Variants in EIF2B3 observed in about 807,000 individuals in gnomAD.
The protein encoded by EIF2B3 is eukaryotic translation initiation factor 2B subunit gamma, also known as translation initiation factor eIF2B subunit gamma.
A neutral mutation model predicts 54.1 loss-of-function variants in EIF2B3; 20 were observed. That is an observed-to-expected ratio of 0.37 (90% CI 0.26 to 0.54). EIF2B3 has a LOEUF of 0.54. EIF2B3 is among the 20% of genes least tolerant of loss of function. The pLI, the probability that EIF2B3 is intolerant of heterozygous loss-of-function variation, is 0.86. For missense variants in EIF2B3, 448 were observed against 547.8 expected (o/e 0.82, Z 1.82); for synonymous variants, 153 against 188.1 (o/e 0.81, Z 1.52).
Position 44,984,754 on chromosome 1 carries a change from T to C in EIF2B3, c.-10+1739A>G, listed in dbSNP as rs2265603. On this transcript the variant is annotated intron_variant, in intron 1 of 11. Transcript: ENST00000360403. ...TCACTTCACAGAGTTGTTGTTAAGA[T>C]TAAATTTGTTATTCTACGTAAAGCA... is the stretch of plus-strand genomic sequence containing the variant. Among the ~76,000 whole-genome samples, 998 of 151,554 alleles carry C rather than the reference T, an allele frequency of 6.6e-3. 13 individuals are homozygous for C. The highest frequency in any genetic ancestry group is 0.023 in the African/African-American group (947 of 41,324).
chr1:44,984,055 C>T (rs1226361), intron 1 of EIF2B3, among the ~76,000 whole-genome samples: 47,090 of 151,726 alleles, frequency 0.31, 8,164 homozygotes, highest in African/African-American at 0.45. Flanking sequence ...GTCAGGCACC[C>T]GTAATCCCAG....
intron 5 of EIF2B3, among the ~76,000 whole-genome samples, chr1:44,912,613 A>G (rs1323276529): frequency 6.6e-6 from 1 of 152,112 alleles, no homozygotes; most frequent in Non-Finnish European, 1.5e-5. Context: ...CTGGCTTCCC[A>G]TGTCCCTTTC....
At chr1:44,883,189 C>T (rs1005233348) in intron 6 of EIF2B3, among the ~76,000 whole-genome samples, 4 of 151,702 alleles carry the variant, frequency 2.6e-5, no homozygotes, top group African/African-American at 7.3e-5. Context: ...CCGCTTGCTC[C>T]GGCCTCTCAA....
At chr1:44,951,257 C>T (rs368616344) in intron 3 of EIF2B3, among the ~76,000 whole-genome samples, 1 of 152,094 alleles carries the variant, frequency 6.6e-6, no homozygotes, top group South Asian at 2.1e-4. Flanking sequence ...CTGAATATGG[C>T]CAGGCATTAT....
chr1:44,975,841 C>A (rs1254952780), intron 3 of EIF2B3, among the ~76,000 whole-genome samples: 1 of 151,952 alleles, frequency 6.6e-6, no homozygotes, highest in Non-Finnish European at 1.5e-5. Flanking sequence ...TGGTGGCACA[C>A]ACCTGTAATC....
chr1:44,874,945 G>A, intron 9 of EIF2B3, 119 bp from the exon 10 acceptor site: 1 of 1,272,620 alleles, frequency 7.9e-7, no homozygotes, highest in Non-Finnish European at 1.1e-6. Context: ...CAGCAAGAGG[G>A]ACCATGATCA....
rs1204980812 is a variant in EIF2B3 at position 44,980,919 on chromosome 1, G to A, written c.148+102C>T. 9 of 1,436,972 alleles carry A rather than the reference G, an allele frequency of 6.3e-6. No individual in the cohort carries two copies. In the Admixed American group the frequency reaches 6.7e-5, roughly 11 times the overall value. The allele number at this position is 1,436,972 out of a possible 1,614,324, so 89.0% of individuals were successfully genotyped here. A position where few individuals can be genotyped will look rare whatever the true frequency, so the allele number is the denominator to read the frequency against. On this transcript the variant is annotated intron_variant, in intron 2 of 11. Transcript: ENST00000360403. ...TTAAAGAAGGCAGTCTTCAGCCAAC[G>A]AGTTCTAGTCACCCTCTCTCATTCT...
At chr1:44,979,116 G>T (rs1160044611) in intron 2 of EIF2B3, among the ~76,000 whole-genome samples, 1 of 150,960 alleles carries the variant, frequency 6.6e-6, no homozygotes, top group Non-Finnish European at 1.5e-5. Context: ...GCAAAACCTT[G>T]TCTCTATAAA....
At chr1:44,854,241 G>T (rs1330416368) in intron 11 of EIF2B3, among the ~76,000 whole-genome samples, 1 of 152,026 alleles carries the variant, frequency 6.6e-6, no homozygotes, top group Non-Finnish European at 1.5e-5. Flanking sequence ...GACCTCAAGT[G>T]ATCCACTCGC....
intron 6 of EIF2B3, among the ~76,000 whole-genome samples, chr1:44,893,155 A>C (rs1218065638): frequency 2.0e-5 from 3 of 152,102 alleles, no homozygotes; most frequent in Non-Finnish European, 4.4e-5. Context: ...CATCAACCTC[A>C]TGGGCTCAAG....
chr1:44,933,948 C>A (rs1643919735), intron 4 of EIF2B3, among the ~76,000 whole-genome samples: 1 of 150,530 alleles, frequency 6.6e-6, no homozygotes, highest in Non-Finnish European at 1.5e-5. Flanking sequence ...AATGGAGAAA[C>A]CCCGTCTCTA....
intron 3 of EIF2B3, among the ~76,000 whole-genome samples, chr1:44,970,329 G>A (rs1033989892): frequency 1.3e-5 from 2 of 152,162 alleles, no homozygotes; most frequent in African/African-American, 2.4e-5. Flanking sequence ...CAAATAAAGT[G>A]AATGTACTAC....
intron 4 of EIF2B3, among the ~76,000 whole-genome samples, chr1:44,937,610 G>A (rs185002106): frequency 6.6e-6 from 1 of 151,332 alleles, no homozygotes; most frequent in African/African-American, 2.4e-5. Flanking sequence ...CAGACCGGGC[G>A]CGGTGGCTCA....
rs529847913 is a variant in EIF2B3, at chr1:44,857,764, C to G, written c.1246G>C (p.Glu416Gln). 2 of 1,614,134 alleles carry G rather than the reference C, an allele frequency of 1.2e-6. No homozygotes were observed. Among genetic ancestry groups the G allele is most frequent in the Admixed American group, 1.7e-5 (1 of 60,022 alleles). Residue 416 changes from glutamate to glutamine, a missense_variant, in exon 11 of 12, where the codon GAG (glutamate) becomes CAG (glutamine). Glu to Gln is a conservative substitution (Grantham distance 29). This residue lies in a region of EIF2B3 where 350 missense variants were observed against 414.2 expected (regional missense o/e 0.85). Coordinates refer to ENST00000360403, the MANE Select transcript of EIF2B3 (RefSeq NM_020365.5). The stretch of plus-strand genomic sequence containing the variant: ...CAGTCCTTGATGTCTGCACCCTTCT[C>G]GATCACAGCATTGTTGCAGATGACA... ...GSVICNNAVI[E>Q]KGADIKDCLI...
At position 44,897,358 on chromosome 1, in the gene EIF2B3, T is replaced by C; in HGVS notation, c.653A>G (p.Asn218Ser). Residue 218 changes from asparagine (N) to serine (S), a missense_variant, in exon 6 of 12, where the codon AAT becomes AGT. By Grantham distance (46) the Asn-to-Ser change is conservative. Coordinates refer to ENST00000360403, the MANE Select transcript of EIF2B3 (RefSeq NM_020365.5). ...ACTCTACCACCCTTTTTCTTACCCA[T>C]TTTCCATTAGGAAATCCACGATGTA... ...KKYIVDFLMENGSITSIRSEL... is the reference protein window; with the variant it reads ...KKYIVDFLMESGSITSIRSEL... 6.2e-7 allele frequency: 1 copy of C among 1,611,440 alleles called. No homozygotes were observed. Among genetic ancestry groups the C allele is most frequent in the Non-Finnish European group, 8.5e-7 (1 of 1,178,006 alleles).
intron 10 of EIF2B3, among the ~76,000 whole-genome samples, chr1:44,862,044 C>T (rs16832301): frequency 0.25 from 38,023 of 152,044 alleles, 5,884 homozygotes; most frequent in African/African-American, 0.44. Context: ...AAGATAGGAC[C>T]TTATCAAACA....
chr1:44,881,639 G>C lies in EIF2B3; in HGVS notation c.757C>G (p.Leu253Val), dbSNP rs1655404297. 1 of 1,614,144 alleles carries C rather than the reference G, an allele frequency of 6.2e-7. No homozygotes were observed. The highest frequency in any genetic ancestry group is 8.5e-7 in the Non-Finnish European group (1 of 1,180,022). Residue 253 changes from leucine to valine, a missense_variant, in exon 7 of 12, where the codon CTA becomes GTA. Transcript: ENST00000360403. This position sits in a 1 kb window ranked among gnomAD's most constrained non-coding sequence, Gnocchi z 4.0. ...AAGGACTTCAGCTCCTTTTTCTTTA[G>C]ATCCTCCTCTTTTTCTTCTTGTCCC... Reference protein sequence around the residue: ...QQGQEEKEEDLKKKELKSLDI... With the variant: ...QQGQEEKEEDVKKKELKSLDI...
At chr1:44,968,896 C>CAA (rs61693975) in intron 3 of EIF2B3, among the ~76,000 whole-genome samples, 1 of 136,210 alleles carries the variant, frequency 7.3e-6, no homozygotes. Flanking sequence ...AACTCCATCT[C>CAA]AAAAAAAAAA....
intron 3 of EIF2B3, 95 bp from the exon 4 acceptor site, chr1:44,941,760 A>C: frequency 1.4e-6 from 2 of 1,379,636 alleles, no homozygotes; most frequent in Non-Finnish European, 2.1e-6. Flanking sequence ...AAACCACACA[A>C]ATCAGACAAT....
Sources: gnomAD v4.1 joint callset for allele counts (sites outside exome capture counted in the v4.1 genomes callset) on GRCh38, gnomAD v4.1.1 for gene constraint, gnomAD v4.1.1 regional missense constraint, Gnocchi (gnomAD v3.1) non-coding constraint, MANE v1.5 for transcripts, NCBI Gene and HGNC (gene_info 2026-07-23, HGNC 2026-07-21) for gene names.